The following ERGIC3 variants were observed in gnomAD, a reference collection of about 807,000 sequenced individuals.
ERGIC3 encodes the protein endoplasmic reticulum-Golgi intermediate compartment protein 3.
A neutral mutation model predicts 54.7 loss-of-function variants in ERGIC3; 33 were observed. That is an observed-to-expected ratio of 0.60 (90% CI 0.46 to 0.81). ERGIC3 has a LOEUF of 0.81. ERGIC3 is among the 30% of genes least tolerant of loss of function. ERGIC3 has a pLI of 0.00. For synonymous variants in ERGIC3, 186 were observed against 189.8 expected (o/e 0.98, Z 0.16); for missense variants, 399 against 488.4 (o/e 0.82, Z 1.73).
At chr20:35,549,861 T>G (rs534392929) in intron 7 of ERGIC3, 8 of 152,372 alleles carry the variant, frequency 5.3e-5, no homozygotes, top group African/African-American at 1.9e-4. Flanking sequence ...GGTCTTGAAC[T>G]CCTGACCTCA....
At chr20:35,543,902 T>C in intron 4 of ERGIC3, 1 of 332,694 alleles carries the variant, frequency 3.0e-6, no homozygotes, top group South Asian at 2.5e-5. Context: ...AAATGTGTTT[T>C]TTCAGTTTCC....
chr20:35,557,441 T>C lies in ERGIC3; in HGVS notation c.1089T>C (p.Asp363=), dbSNP rs980475103. 24 of 1,614,006 alleles carry C rather than the reference T, an allele frequency of 1.5e-5. No homozygotes were observed. Among genetic ancestry groups the C allele is most frequent in the Admixed American group, 3.3e-5 (2 of 59,996 alleles). The stretch of plus-strand genomic sequence containing the variant: ...CTCTCCCAGTGGCTGGACTCATCGA[T>C]TCGCTCATCTACCACTCAGCACGAG... The part of the protein sequence containing the change: ...GGMFTVAGLI[D]SLIYHSARAI... Residue 363 remains aspartate, a synonymous_variant, in exon 13 of 13, where the codon GAT becomes GAC. Coordinates refer to ENST00000348547, the MANE Select transcript of ERGIC3 (RefSeq NM_015966.3).
chr20:35,551,178 C>T (rs936593576), intron 7 of ERGIC3, among the ~76,000 whole-genome samples: 1 of 152,012 alleles, frequency 6.6e-6, no homozygotes, highest in Non-Finnish European at 1.5e-5. Flanking sequence ...CCTGTAGTCC[C>T]AGCTACTCGG....
At chr20:35,548,313 A>T (rs1299956022) in intron 5 of ERGIC3, among the ~76,000 whole-genome samples, 196 bp from the exon 6 acceptor site, 1 of 152,156 alleles carries the variant, frequency 6.6e-6, no homozygotes, top group African/African-American at 2.4e-5. Flanking sequence ...CCTATCTCTA[A>T]AAAAATTTTA....
chr20:35,545,440 A>C (rs1418765714), intron 4 of ERGIC3: 1 of 151,926 alleles, frequency 6.6e-6, no homozygotes, highest in African/African-American at 2.4e-5. Flanking sequence ...GGTGGTGGGC[A>C]CCTGTAATCC....
intron 4 of ERGIC3, 60 bp downstream of exon 4, chr20:35,543,001 G>A: frequency 1.2e-6 from 2 of 1,608,934 alleles, no homozygotes; most frequent in South Asian, 1.1e-5. Flanking sequence ...AAGCCTATCT[G>A]CTAGCAAGTG....
At chr20:35,552,135 G>A (rs2064685161) in intron 7 of ERGIC3, among the ~76,000 whole-genome samples, 1 of 152,184 alleles carries the variant, frequency 6.6e-6, no homozygotes, top group Non-Finnish European at 1.5e-5. Context: ...AGCACCAGGA[G>A]GAAGGGCAGG....
At chr20:35,543,306 T>A in intron 4 of ERGIC3, 1 of 341,164 alleles carries the variant, frequency 2.9e-6, no homozygotes, top group Non-Finnish European at 5.8e-6. Flanking sequence ...ATTCAGCCCT[T>A]AATGCTCTTC....
chr20:35,547,309 T>G, intron 4 of ERGIC3, 103 bp from the exon 5 acceptor site: 1 of 808,236 alleles, frequency 1.2e-6, no homozygotes, highest in Non-Finnish European at 2.1e-6. Context: ...TATTAGTTAT[T>G]ATAACTTTTA....
chr20:35,548,153 C>G (rs966484322), intron 5 of ERGIC3, among the ~76,000 whole-genome samples: 3 of 152,110 alleles, frequency 2.0e-5, no homozygotes, highest in Admixed American at 2.0e-4. Flanking sequence ...AACTTGTCAT[C>G]GCCTCAAACA....
chr20:35,556,921 C>T, intron 10 of ERGIC3, 52 bp from the exon 11 acceptor site: 1 of 1,611,666 alleles, frequency 6.2e-7, no homozygotes, highest in Non-Finnish European at 8.5e-7. Flanking sequence ...CTGATGGTGG[C>T]TGGAGCCAGG....
Position 35,557,247 on chromosome 20 carries a change from C to G in ERGIC3, c.1070C>G (p.Thr357Arg), listed in dbSNP as rs781224374. The G allele has an allele frequency of 6.2e-7, 1 of 1,614,108 alleles. No individual in the cohort carries two copies. Among genetic ancestry groups the G allele is most frequent in the South Asian group, 1.1e-5 (1 of 91,080 alleles). ...GVCAIIGGMF[T>R]VAGLIDSLIY... Reference sequence around the variant, plus strand: ...TGCGCCATCATTGGGGGCATGTTCACAGGTAAGAGGCCCAGGGCGTCTGTG... The same window carrying G: ...TGCGCCATCATTGGGGGCATGTTCAGAGGTAAGAGGCCCAGGGCGTCTGTG... The change falls in exon 12 of 13, where the codon ACA becomes AGA. Residue 357 changes from threonine to arginine, a missense_variant and splice_region_variant. Physicochemically the swap from Thr to Arg is moderately conservative, Grantham distance 71. Coordinates refer to ENST00000348547, the MANE Select transcript of ERGIC3 (RefSeq NM_015966.3).
At chr20:35,553,020 A>ATTTTTTTTTTTT (rs141438822) in intron 7 of ERGIC3, among the ~76,000 whole-genome samples, 835 of 41,562 alleles carry the variant, frequency 0.02, 322 homozygotes, top group East Asian at 0.057. Flanking sequence ...AAAGCTGGGG[A>ATTTTTTTTTTTT]TTTTTTTTTT....
At chr20:35,548,378 T>C (rs1476970813) in intron 5 of ERGIC3, 131 bp from the exon 6 acceptor site, 3 of 927,900 alleles carry the variant, frequency 3.2e-6, no homozygotes, top group Non-Finnish European at 4.8e-6. Context: ...ATTTGGAGAA[T>C]GTTTGGTGGT....
chr20:35,553,066 G>A (rs971159421), intron 7 of ERGIC3, among the ~76,000 whole-genome samples: 2 of 100,104 alleles, frequency 2.0e-5, no homozygotes, highest in African/African-American at 7.6e-5. Flanking sequence ...GAGTGCCATG[G>A]CACAATCTTG....
At chr20:35,547,929 C>G (rs868445713) in intron 5 of ERGIC3, among the ~76,000 whole-genome samples, 2 of 152,220 alleles carry the variant, frequency 1.3e-5, no homozygotes, top group Non-Finnish European at 2.9e-5. Context: ...ATTAGACCCT[C>G]AGTATCTGAT....
chr20:35,547,437 G>C lies in ERGIC3; in HGVS notation c.393G>C (p.Val131=), dbSNP rs1366095505. 1 of 1,614,182 alleles carries C rather than the reference G, an allele frequency of 6.2e-7. No individual in the cohort carries two copies. Among genetic ancestry groups the C allele is most frequent in the South Asian group, 1.1e-5 (1 of 91,080 alleles). ...RHELGKVEVT[V]FDPDSLDPDR... ...AGCTTGGGAAAGTCGAGGTGACGGT[G>C]TTTGACCCTGACTCCCTGGACCCTG... The change falls in exon 5 of 13, where the codon GTG becomes GTC. Residue 131 remains valine (V), a synonymous_variant. Coordinates refer to ENST00000348547, the MANE Select transcript of ERGIC3 (RefSeq NM_015966.3).
intron 12 of ERGIC3, 84 bp from the exon 13 acceptor site, chr20:35,557,341 G>T: frequency 1.2e-6 from 2 of 1,609,424 alleles, no homozygotes; most frequent in Non-Finnish European, 8.5e-7. Flanking sequence ...GCAGATGCTG[G>T]CCTGGCCAGT....
intron 10 of ERGIC3, 35 bp from the exon 11 acceptor site, chr20:35,556,938 C>T (rs749199060): frequency 7.4e-6 from 12 of 1,613,102 alleles, no homozygotes; most frequent in Admixed American, 6.7e-5. Flanking sequence ...CAGGTCCTAG[C>T]CCTAGCCCTG....
Sources: allele counts gnomAD v4.1 joint callset (sites outside exome capture counted in the v4.1 genomes callset), GRCh38; gene constraint gnomAD v4.1.1; transcripts MANE v1.5; gene names NCBI Gene and HGNC (gene_info 2026-07-23, HGNC 2026-07-21).